Variants in CRISPLD2 observed in about 807,000 individuals in gnomAD.
The protein encoded by CRISPLD2 is cysteine-rich secretory protein LCCL domain-containing 2.
A neutral mutation model predicts 71.1 loss-of-function variants in CRISPLD2; 47 were observed. The ratio of observed to expected loss-of-function variants is 0.66; its 90% CI spans 0.52 to 0.84. The LOEUF is 0.84. Ranked by LOEUF, CRISPLD2 falls within the 40% of genes least tolerant of loss-of-function variation. The pLI is 0.00. For missense variants in CRISPLD2, 830 were observed against 651.1 expected, an observed-to-expected ratio of 1.27 and a Z score of -2.99; for synonymous variants, 317 against 250.1, an observed-to-expected ratio of 1.27 and a Z score of -2.52.
chr16:84,831,215 G>A (rs977105285), intron 1 of CRISPLD2, among the ~76,000 whole-genome samples: 1 of 152,122 alleles, frequency 6.6e-6, no homozygotes, highest in Non-Finnish European at 1.5e-5. Flanking sequence ...GGATAACCTC[G>A]GTGTGAATCA....
chr16:84,880,343 C>G (rs914906142), intron 12 of CRISPLD2, among the ~76,000 whole-genome samples, 166 bp from the exon 13 acceptor site: 2 of 152,248 alleles, frequency 1.3e-5, no homozygotes, highest in Middle Eastern at 3.4e-3. Context: ...ATCTTTACCT[C>G]TGCTGAGGGG....
chr16:84,906,873 T>C lies in CRISPLD2; in HGVS notation c.*231T>C, dbSNP rs1874008. 0.78 allele frequency: 471,777 copies of C among 607,082 alleles called. 184,518 individuals carry two copies. The highest frequency in any genetic ancestry group is 0.93 in the African/African-American group (50,460 of 54,250). 37.6% of individuals were successfully genotyped at this position (607,082 alleles called of 1,614,324 possible). A position where few individuals can be genotyped will look rare whatever the true frequency, so the allele number is the denominator to read the frequency against. On this transcript the variant is annotated 3_prime_UTR_variant, in exon 15 of 15. Transcript: ENST00000262424. ...CCTGGTGCCTGATCCTGCTGGGGCC[T>C]GGGGGTCTCCATCTGGACGTCCTCT...
rs80146835 is a variant in CRISPLD2 at position 84,882,347 on chromosome 16, CAAAAA to C, written c.1305+1783_1305+1787del. The stretch of plus-strand genomic sequence containing the variant: ...CAATATAGCAGCTAAACCAATAAAG[CAAAAA>C]AAAAAAAAAAAAAAAAAAAGCAAGA... On this transcript the variant is annotated intron_variant, in intron 13 of 14. Transcript: ENST00000262424. 6.1e-3 allele frequency among the ~76,000 whole-genome samples: 470 copies of C among 77,470 alleles called. 5 individuals are homozygous for C. The highest frequency in any genetic ancestry group is 0.016 in the African/African-American group (362 of 21,998). The allele number at this position is 77,470 out of a possible 152,430, so 50.8% of individuals were successfully genotyped here.
intron 6 of CRISPLD2, among the ~76,000 whole-genome samples, chr16:84,866,265 C>T (rs529677248): frequency 2.0e-5 from 3 of 147,338 alleles, no homozygotes; most frequent in East Asian, 4.1e-4. Context: ...TGGAGTTTCG[C>T]TCTTGTCACA....
At chr16:84,887,975 T>C (rs1285849786) in intron 13 of CRISPLD2, among the ~76,000 whole-genome samples, 2 of 152,220 alleles carry the variant, frequency 1.3e-5, no homozygotes, top group East Asian at 3.8e-4. Flanking sequence ...GGGGACATTT[T>C]TGTGGACAGT....
intron 1 of CRISPLD2, among the ~76,000 whole-genome samples, chr16:84,830,976 C>T (rs1014568885): frequency 6.6e-6 from 1 of 152,130 alleles, no homozygotes; most frequent in Non-Finnish European, 1.5e-5. Flanking sequence ...GCAAGGCAGG[C>T]TGGTTTTTGC....
Position 84,873,963 on chromosome 16 carries a change from G to A in CRISPLD2, c.1156G>A (p.Val386Met). The A allele has an allele frequency of 1.3e-6, 2 of 1,597,346 alleles. No individual in the cohort carries two copies. Among genetic ancestry groups the A allele is most frequent in the South Asian group, 1.1e-5 (1 of 87,844 alleles). The change falls in exon 11 of 15, where the codon GTG becomes ATG. Residue 386 changes from valine (V) to methionine (M), a missense_variant and splice_region_variant. Transcript: ENST00000262424. ...CTCATTCATGGTGTCAAAAGTGAAA[G>A]GTAAGCTAGCCAGTCTCTTTTGCGA... is the stretch of plus-strand genomic sequence containing the variant. ...SSSFMVSKVK[V>M]QDLDCYTTVA... is the part of the protein sequence containing the mutation.
At chr16:84,850,421 C>G (rs762842122) in intron 4 of CRISPLD2, 147 bp from the exon 5 acceptor site, 31 of 638,790 alleles carry the variant, frequency 4.9e-5, no homozygotes, top group Non-Finnish European at 8.6e-5. Context: ...ATGTATGTAT[C>G]TTCAATGGGT....
chr16:84,866,841 TGCG>T, intron 6 of CRISPLD2, 53 bp from the exon 7 acceptor site: 1 of 1,541,782 alleles, frequency 6.5e-7, no homozygotes, highest in Middle Eastern at 1.7e-4. Flanking sequence ...TTCCCCAAAG[TGCG>T]TTTTTGTTGA....
rs969286559 is a variant in CRISPLD2, at chr16:84,850,503, C to G, written c.493-65C>G. 1.2e-5 allele frequency: 16 copies of G among 1,378,986 alleles called. No homozygotes were observed. The South Asian group carries it at 1.4e-4, about 12-fold the overall frequency. The allele number at this position is 1,378,986 out of a possible 1,614,324, so 85.4% of individuals were successfully genotyped here. On this transcript the variant is annotated intron_variant, in intron 4 of 14. Transcript: ENST00000262424. Reference sequence around the variant, plus strand: ...AGTGCCAGCACCTTATACATCCAGGCCAAATGATATCACCCTTTTGTGCCT... The same window carrying G: ...AGTGCCAGCACCTTATACATCCAGGGCAAATGATATCACCCTTTTGTGCCT...
rs977333800 is a variant in CRISPLD2 at position 84,908,512 on chromosome 16, G to A, written c.*1870G>A. The A allele has an allele frequency of 2.6e-5, 4 of 152,124 alleles. No homozygotes were observed. The highest frequency in any genetic ancestry group is 4.4e-5 in the Non-Finnish European group (3 of 68,044). The allele number at this position is 152,124 out of a possible 1,614,324, so 9.4% of individuals were successfully genotyped here. The stretch of plus-strand genomic sequence containing the variant: ...GCAGAATTAGTGAAGGGTCCAGGAC[G>A]ATCCCAGTGGGCTCGCTTCCAAAGC... On this transcript the variant is annotated 3_prime_UTR_variant, in exon 15 of 15. Transcript: ENST00000262424.
intron 14 of CRISPLD2, among the ~76,000 whole-genome samples, chr16:84,891,574 G>T (rs910955348): frequency 3.3e-5 from 5 of 152,344 alleles, no homozygotes; most frequent in African/African-American, 1.2e-4. Context: ...TTCCTGGCCG[G>T]GCTGGAAAGA....
Position 84,849,379 on chromosome 16 carries a change from C to T in CRISPLD2, c.360-6C>T, listed in dbSNP as rs1330803952. ...TGGGACTGAGTGAGCGGTTTCTGCCCTGCAGGTATCGCTCTCCGGGGTTCC... is the reference window on the plus strand; with the variant it reads ...TGGGACTGAGTGAGCGGTTTCTGCCTTGCAGGTATCGCTCTCCGGGGTTCC... On this transcript the variant is annotated splice_region_variant and splice_polypyrimidine_tract_variant and intron_variant, in intron 3 of 14. Transcript: ENST00000262424. 6.2e-7 allele frequency: 1 copy of T among 1,611,466 alleles called. No homozygotes were observed. The highest frequency in any genetic ancestry group is 8.5e-7 in the Non-Finnish European group (1 of 1,177,998).
intron 3 of CRISPLD2, among the ~76,000 whole-genome samples, chr16:84,848,829 A>T (rs983022607): frequency 2.0e-5 from 3 of 152,090 alleles, no homozygotes; most frequent in Non-Finnish European, 2.9e-5. Flanking sequence ...TTTTTCTCCA[A>T]CGTACCTGAA....
At chr16:84,881,557 C>T (rs367937927) in intron 13 of CRISPLD2, among the ~76,000 whole-genome samples, 17 of 152,296 alleles carry the variant, frequency 1.1e-4, no homozygotes, top group African/African-American at 3.1e-4. Context: ...GGCCCAGAAC[C>T]GGGATTATCA....
intron 2 of CRISPLD2, chr16:84,839,310 C>G (rs1356208427): frequency 3.9e-6 from 1 of 256,022 alleles, no homozygotes; most frequent in East Asian, 1.1e-4. Flanking sequence ...CCTTTCCCAC[C>G]TGGAGGCAGA....
At chr16:84,836,972 G>T (rs963991330) in intron 1 of CRISPLD2, among the ~76,000 whole-genome samples, 1 of 152,194 alleles carries the variant, frequency 6.6e-6, no homozygotes, top group Non-Finnish European at 1.5e-5. Context: ...GCTATGTGGG[G>T]ACTGCGGGTT....
chr16:84,889,752 T>TTGTGTGTGTG (rs60555979), intron 14 of CRISPLD2, among the ~76,000 whole-genome samples: 28 of 139,318 alleles, frequency 2.0e-4, no homozygotes, highest in East Asian at 1.7e-3. Flanking sequence ...TTGTTTTTCT[T>TTGTGTGTGTG]TGTGTGTGTG....
At chr16:84,869,754 T>C (rs1196705582) in intron 8 of CRISPLD2, among the ~76,000 whole-genome samples, 2 of 152,390 alleles carry the variant, frequency 1.3e-5, no homozygotes, top group African/African-American at 4.8e-5. Flanking sequence ...GCCTCCGCCG[T>C]GTGCACTGCC....
Sources: allele counts gnomAD v4.1 joint callset (sites outside exome capture counted in the v4.1 genomes callset), GRCh38; gene constraint gnomAD v4.1.1; transcripts MANE v1.5; gene names NCBI Gene and HGNC (gene_info 2026-07-23, HGNC 2026-07-21).